Variants in PIEZO2 observed in about 807,000 individuals in gnomAD.
PIEZO2 encodes piezo type mechanosensitive ion channel component 2.
In PIEZO2, 172 loss-of-function variants were observed where a neutral mutation model predicts 337.3. That is an observed-to-expected ratio of 0.51 (90% CI 0.45 to 0.58). The LOEUF is 0.58. Ranked by LOEUF, PIEZO2 falls within the 20% of genes least tolerant of loss-of-function variation. PIEZO2 has a pLI of 0.00. For synonymous variants in PIEZO2, 1,251 were observed against 1,228.5 expected, an observed-to-expected ratio of 1.02 and a Z score of -0.38; for missense variants, 3,028 against 3,391.3, an observed-to-expected ratio of 0.89 and a Z score of 2.66.
Position 11,138,636 on chromosome 18 carries a change from G to GT in PIEZO2, c.64+9888dup, listed in dbSNP as rs535364596. ...ATAGCTGCTATCTGTATATTGAGGA[G>GT]TAAGTTCCGTGCTGGGGATATCAAC... On this transcript the variant is annotated intron_variant, in intron 1 of 55. Coordinates refer to ENST00000674853, the MANE Select transcript of PIEZO2 (RefSeq NM_001378183.1). 1.4e-3 allele frequency among the ~76,000 whole-genome samples: 216 copies of GT among 152,326 alleles called. 1 individual carries two copies. The highest frequency in any genetic ancestry group is 4.6e-3 in the African/African-American group (190 of 41,580).
chr18:10,934,638 T>TGTGTGTGTGTGTGTGTGTGG (rs2032280451), intron 3 of PIEZO2, among the ~76,000 whole-genome samples: 1 of 57,228 alleles, frequency 1.7e-5, no homozygotes. Context: ...TGTGTGTACG[T>TGTGTGTGTGTGTGTGTGTGG]GTGTGTGTGT....
intron 5 of PIEZO2, among the ~76,000 whole-genome samples, chr18:10,860,852 G>A (rs895812672): frequency 7.9e-5 from 12 of 152,214 alleles, no homozygotes; most frequent in Non-Finnish European, 2.9e-5. Flanking sequence ...GTCTTAGGAA[G>A]GATTGGGCCT....
intron 2 of PIEZO2, among the ~76,000 whole-genome samples, chr18:11,034,861 A>T (rs563235331): frequency 3.9e-5 from 6 of 152,226 alleles, no homozygotes; most frequent in African/African-American, 1.4e-4. Context: ...AAACAAACAA[A>T]CAAACAAAAA....
intron 20 of PIEZO2, among the ~76,000 whole-genome samples, chr18:10,770,898 T>A (rs143383049): frequency 0.052 from 7,873 of 152,066 alleles, 267 homozygotes; most frequent in Non-Finnish European, 0.066. Context: ...GCCCAGCTAA[T>A]TTTTGTATTT....
rs935736841 is a variant in PIEZO2 at position 10,945,082 on chromosome 18, C to T, written c.287-33854G>A. ...GAGTATTAGAGAATAGATTGCAGCA[C>T]AGAAGAAGGGCCCCGGAGATCTGTG... On this transcript the variant is annotated intron_variant, in intron 3 of 55. Transcript: ENST00000674853. This position sits in a 1 kb window ranked among gnomAD's most constrained non-coding sequence, Gnocchi z 4.0. Among the ~76,000 whole-genome samples the T allele has an allele frequency of 1.5e-4, 23 of 152,154 alleles. No homozygotes were observed. The highest frequency in any genetic ancestry group is 1.3e-4 in the Admixed American group (2 of 15,276).
chr18:10,863,884 A>ACACACACACACACC lies in PIEZO2; in HGVS notation c.493-6674_493-6673insGGTGTGTGTGTGTG, dbSNP rs1441752436. ...CAAATCAGCAGTCACACACACACAC[A>ACACACACACACACC]CCTATATCATCCACTCAGTTCACAT... On this transcript the variant is annotated intron_variant, in intron 5 of 55. Coordinates refer to ENST00000674853, the MANE Select transcript of PIEZO2 (RefSeq NM_001378183.1). The surrounding 1 kb of genome is among the most constrained non-coding windows in gnomAD (Gnocchi z 4.3). 6.6e-6 allele frequency among the ~76,000 whole-genome samples: 1 copy of ACACACACACACACC among 151,888 alleles called. No individual in the cohort carries two copies. Among genetic ancestry groups the ACACACACACACACC allele is most frequent in the African/African-American group, 2.4e-5 (1 of 41,326 alleles).
chr18:10,794,242 T>C lies in PIEZO2; in HGVS notation c.1758+530A>G, dbSNP rs576217143. 1.0e-3 allele frequency among the ~76,000 whole-genome samples: 151 copies of C among 146,138 alleles called. No homozygotes were observed. Among genetic ancestry groups the C allele is most frequent in the African/African-American group, 3.6e-3 (140 of 39,138 alleles). ...AAGCAAATAAGTAATGAGAAGAGTA[T>C]GAACATTCTAACTCAGATAAGAACA... is the stretch of plus-strand genomic sequence containing the variant. On this transcript the variant is annotated intron_variant, in intron 13 of 55. Transcript: ENST00000674853. This position sits in a 1 kb window ranked among gnomAD's most constrained non-coding sequence, Gnocchi z 6.6.
intron 34 of PIEZO2, among the ~76,000 whole-genome samples, chr18:10,736,041 A>C (rs138267381): frequency 2.6e-4 from 40 of 152,364 alleles, no homozygotes; most frequent in African/African-American, 9.6e-4. Context: ...ATAGCTGAGA[A>C]TGGGACAGCA....
chr18:11,130,738 A>T (rs1393649218), intron 1 of PIEZO2, among the ~76,000 whole-genome samples: 1 of 152,192 alleles, frequency 6.6e-6, no homozygotes, highest in Non-Finnish European at 1.5e-5. Flanking sequence ...GGTAAAGGAT[A>T]AGTTGCTGCA....
rs62083583 is a variant in PIEZO2 at position 10,962,180 on chromosome 18, T to C, written c.286+17355A>G. 2.0e-5 allele frequency among the ~76,000 whole-genome samples: 3 copies of C among 152,330 alleles called. No individual in the cohort carries two copies. In the South Asian group the frequency reaches 6.2e-4, roughly 32 times the overall value. On this transcript the variant is annotated intron_variant, in intron 3 of 55. Transcript: ENST00000674853. This position sits in a 1 kb window ranked among gnomAD's most constrained non-coding sequence, Gnocchi z 4.1. ...CCACTGAATTAGAATTATTTCCAGA[T>C]GCTCTGTTCAATGAAAGAGTCTTAA...
At chr18:10,967,803 C>T (rs1219754051) in intron 3 of PIEZO2, among the ~76,000 whole-genome samples, 1 of 152,062 alleles carries the variant, frequency 6.6e-6, no homozygotes, top group Non-Finnish European at 1.5e-5. Flanking sequence ...TGCTTCCTTA[C>T]TGATTTGTCT....
At chr18:11,114,338 T>C (rs1321979310) in intron 1 of PIEZO2, among the ~76,000 whole-genome samples, 1 of 152,218 alleles carries the variant, frequency 6.6e-6, no homozygotes, top group African/African-American at 2.4e-5. Context: ...AAGAGGCATG[T>C]ACAACTGTCT....
chr18:10,671,780 C>T lies in PIEZO2; in HGVS notation c.8346-1G>A. The stretch of plus-strand genomic sequence containing the variant: ...AACTGAAGCATATAATCCCATAATA[C>T]TGAAAAAAACAGTAAGTAGAAATTG... On this transcript the variant is annotated splice_acceptor_variant, in intron 55 of 55. Coordinates refer to ENST00000674853, the MANE Select transcript of PIEZO2 (RefSeq NM_001378183.1). LOFTEE classifies it high-confidence loss of function. 1 of 1,597,950 alleles carries T rather than the reference C, an allele frequency of 6.3e-7. No individual in the cohort carries two copies. Among genetic ancestry groups the T allele is most frequent in the South Asian group, 1.1e-5 (1 of 88,584 alleles).
At chr18:10,984,154 C>CA (rs201809811) in intron 2 of PIEZO2, among the ~76,000 whole-genome samples, 206 of 147,758 alleles carry the variant, frequency 1.4e-3, no homozygotes, top group African/African-American at 3.9e-3. Flanking sequence ...AATGAATAAT[C>CA]AAAAAAAAAA....
At position 10,735,568 on chromosome 18, in the gene PIEZO2, C is replaced by T. The variant is rs181918841; in HGVS notation, c.4816-238G>A. Among the ~76,000 whole-genome samples, 6 of 152,150 alleles carry T rather than the reference C, an allele frequency of 3.9e-5. No homozygotes were observed. The East Asian group carries it at 5.8e-4, about 15-fold the overall frequency. On this transcript the variant is annotated intron_variant, in intron 34 of 55. Coordinates refer to ENST00000674853, the MANE Select transcript of PIEZO2 (RefSeq NM_001378183.1). ...TGTTCATGTTCTCTCCTTGGCTGCA[C>T]GATGAGTGGTGGTTAGAAGAAAACT...
intron 4 of PIEZO2, among the ~76,000 whole-genome samples, chr18:10,879,982 T>G (rs895334519): frequency 6.6e-6 from 1 of 152,142 alleles, no homozygotes; most frequent in African/African-American, 2.4e-5. Context: ...GCATAAAAAC[T>G]ACTATAAAAA....
intron 2 of PIEZO2, among the ~76,000 whole-genome samples, chr18:11,043,408 T>C (rs1035751397): frequency 6.6e-6 from 1 of 152,236 alleles, no homozygotes; most frequent in African/African-American, 2.4e-5. Context: ...ATTAGTATGC[T>C]AAAAATTACT....
At chr18:10,757,483 A>T (rs189543589) in intron 27 of PIEZO2, among the ~76,000 whole-genome samples, 3 of 29,894 alleles carry the variant, frequency 1.0e-4, no homozygotes, top group African/African-American at 3.3e-4. Context: ...GAAGATGAAA[A>T]ATGGAGGATG....
Position 11,009,558 on chromosome 18 carries a change from A to G in PIEZO2, c.161-29898T>C, listed in dbSNP as rs1334985936. On this transcript the variant is annotated intron_variant, in intron 2 of 55. Transcript: ENST00000674853. This position sits in a 1 kb window ranked among gnomAD's most constrained non-coding sequence, Gnocchi z 4.6. ...CTTTCTTCTTATTAAACATTTAAGT[A>G]AGTCTCACTTTTCCAAGATCATTAC... Among the ~76,000 whole-genome samples, 1 of 152,206 alleles carries G rather than the reference A, an allele frequency of 6.6e-6. No individual in the cohort carries two copies. Among genetic ancestry groups the G allele is most frequent in the Admixed American group, 6.5e-5 (1 of 15,286 alleles).
Sources: allele counts gnomAD v4.1 joint callset (sites outside exome capture counted in the v4.1 genomes callset), GRCh38; gene constraint gnomAD v4.1.1; non-coding constraint Gnocchi (gnomAD v3.1); transcripts MANE v1.5; gene names NCBI Gene and HGNC (gene_info 2026-07-23, HGNC 2026-07-21).